SCHIP1: variants seen among roughly 807,000 people sequenced by gnomAD.
SCHIP1 encodes schwannomin-interacting protein 1.
SCHIP1 carries 8 observed loss-of-function variants against 29.7 expected under a neutral mutation model. That is an observed-to-expected ratio of 0.27 (90% CI 0.16 to 0.49). The LOEUF (loss-of-function observed/expected upper bound fraction) is 0.49. Among genes scored for constraint, SCHIP1 ranks in the 20% least tolerant of loss-of-function variants. The pLI is 0.99. For missense variants in SCHIP1, 193 were observed against 294.6 expected (o/e 0.66, Z 2.52); for synonymous variants, 76 against 94.9 (o/e 0.80, Z 1.16).
the SCHIP1 span, among the ~76,000 whole-genome samples, chr3:159,678,411 A>C: frequency 1.3e-5 from 2 of 152,354 alleles, no homozygotes; most frequent in Admixed American, 6.5e-5. Flanking sequence ...CAAAGTGAGT[A>C]ATTTCAGCTG....
the SCHIP1 span, among the ~76,000 whole-genome samples, chr3:159,799,967 CA>C: frequency 3.7e-3 from 567 of 152,252 alleles, 2 homozygotes; most frequent in African/African-American, 0.013. Context: ...TTGGGACCCC[CA>C]GTTGAAGTCC....
chr3:159,640,570 CT>C, the SCHIP1 span, among the ~76,000 whole-genome samples: 1 of 152,122 alleles, frequency 6.6e-6, no homozygotes, highest in African/African-American at 2.4e-5. Context: ...AGATAGTCAA[CT>C]TCATCTTCTA....
intron 1 of SCHIP1, among the ~76,000 whole-genome samples, chr3:159,848,837 T>G (rs1280570212): frequency 6.6e-6 from 1 of 152,108 alleles, no homozygotes; most frequent in African/African-American, 2.4e-5. Context: ...TAGGAAACTC[T>G]CAGATATTTT....
At chr3:159,312,435 A>C in the SCHIP1 span, among the ~76,000 whole-genome samples, 1 of 152,184 alleles carries the variant, frequency 6.6e-6, no homozygotes, top group Non-Finnish European at 1.5e-5. Flanking sequence ...CAGAAGAGAA[A>C]GTGTGTGGAG....
At chr3:159,862,180 A>G (rs1714130851) in intron 1 of SCHIP1, among the ~76,000 whole-genome samples, 1 of 152,192 alleles carries the variant, frequency 6.6e-6, no homozygotes, top group African/African-American at 2.4e-5. Flanking sequence ...CATCCATCTC[A>G]GGGAAGAAGT....
At chr3:159,737,374 CG>C in the SCHIP1 span, among the ~76,000 whole-genome samples, 89 of 152,256 alleles carry the variant, frequency 5.8e-4, no homozygotes, top group Middle Eastern at 3.4e-3. Flanking sequence ...CGACTGGGGC[CG>C]GAACACTTGG....
At chr3:159,623,127 A>G in the SCHIP1 span, among the ~76,000 whole-genome samples, 1 of 152,156 alleles carries the variant, frequency 6.6e-6, no homozygotes, top group South Asian at 2.1e-4. Flanking sequence ...TAGACTTACA[A>G]GCTTAATAGA....
chr3:159,389,347 A>ATT, the SCHIP1 span, among the ~76,000 whole-genome samples: 1 of 152,078 alleles, frequency 6.6e-6, no homozygotes, highest in African/African-American at 2.4e-5. Flanking sequence ...CATGTTAAAA[A>ATT]TGTTCCTCTA....
intron 1 of SCHIP1, chr3:159,845,369 C>T (rs62270399): frequency 0.043 from 6,501 of 150,710 alleles, 183 homozygotes; most frequent in Non-Finnish European, 0.067. Context: ...CTCCATTAGA[C>T]GACAAGCTTC....
the SCHIP1 span, among the ~76,000 whole-genome samples, chr3:159,613,901 G>A: frequency 6.6e-6 from 1 of 152,162 alleles, no homozygotes; most frequent in African/African-American, 2.4e-5. Flanking sequence ...AGAGATCATC[G>A]AGGTTGTGTT....
the SCHIP1 span, among the ~76,000 whole-genome samples, chr3:159,552,793 AGCC>A: frequency 1.3e-5 from 2 of 152,232 alleles, no homozygotes; most frequent in Admixed American, 6.5e-5. Context: ...CTACAATCAA[AGCC>A]GAGCTCCTTA....
At chr3:159,692,930 C>T in the SCHIP1 span, among the ~76,000 whole-genome samples, 6 of 152,088 alleles carry the variant, frequency 3.9e-5, no homozygotes, top group South Asian at 8.3e-4. Flanking sequence ...AGGATTTCAT[C>T]AGTTCATAGG....
the SCHIP1 span, among the ~76,000 whole-genome samples, chr3:159,462,030 T>G: frequency 1.3e-5 from 2 of 151,806 alleles, no homozygotes; most frequent in African/African-American, 4.8e-5. Context: ...GACAACATGG[T>G]GAAACCCCAT....
chr3:159,734,787 CTTT>C, the SCHIP1 span, among the ~76,000 whole-genome samples: 2,147 of 110,406 alleles, frequency 0.019, 26 homozygotes, highest in African/African-American at 0.047. Context: ...CTTTTCTTGT[CTTT>C]TTTTTTTTTT....
the SCHIP1 span, among the ~76,000 whole-genome samples, chr3:159,610,984 G>T: frequency 4.6e-5 from 7 of 151,870 alleles, no homozygotes; most frequent in Non-Finnish European, 1.0e-4. Context: ...TATTTATTAT[G>T]ACATTTTACC....
the SCHIP1 span, among the ~76,000 whole-genome samples, chr3:159,596,680 C>A: frequency 1.3e-5 from 2 of 151,762 alleles, no homozygotes; most frequent in African/African-American, 4.8e-5. Flanking sequence ...ACCATCACTC[C>A]GAGCAAACTA....
the SCHIP1 span, among the ~76,000 whole-genome samples, chr3:159,772,329 G>T: frequency 6.6e-6 from 1 of 152,012 alleles, no homozygotes; most frequent in Non-Finnish European, 1.5e-5. Flanking sequence ...AACTTTTTAG[G>T]GATGGGGTTT....
At chr3:159,890,903 T>C in intron 5 of SCHIP1, among the ~76,000 whole-genome samples, 1 of 152,176 alleles carries the variant, frequency 6.6e-6, no homozygotes, top group South Asian at 2.1e-4. Context: ...CCATTCTATC[T>C]TTTGTTTCCC....
the SCHIP1 span, among the ~76,000 whole-genome samples, chr3:159,314,394 C>T: frequency 6.6e-6 from 1 of 152,166 alleles, no homozygotes; most frequent in Admixed American, 6.6e-5. Flanking sequence ...TCTAGAAGAT[C>T]AGTCTTAGTC....
Sources: gnomAD v4.1 joint callset for allele counts (sites outside exome capture counted in the v4.1 genomes callset) on GRCh38, gnomAD v4.1.1 for gene constraint, MANE v1.5 for transcripts, NCBI Gene and HGNC (gene_info 2026-07-23, HGNC 2026-07-21) for gene names.